DBNL: variants seen among roughly 807,000 people sequenced by gnomAD.
The protein encoded by DBNL is drebrin like, also known as drebrin-like protein.
Under a neutral mutation model 62.2 loss-of-function variants are expected in DBNL, and 35 were observed. That is an observed-to-expected ratio of 0.56 (90% CI 0.43 to 0.75). The LOEUF (loss-of-function observed/expected upper bound fraction) is 0.75. Among genes scored for constraint, DBNL ranks in the 30% least tolerant of loss-of-function variants. DBNL has a pLI of 0.00. For synonymous variants in DBNL, 197 were observed against 218.0 expected (o/e 0.90, Z 0.85); for missense variants, 495 against 578.4 (o/e 0.86, Z 1.48).
rs1129638 is a variant in DBNL at position 44,065,271 on chromosome 7, G to A, written c.*4355G>A. 6.2e-7 allele frequency: 1 copy of A among 1,613,722 alleles called. No homozygotes were observed. Among genetic ancestry groups the A allele is most frequent in the Admixed American group, 1.7e-5 (1 of 60,026 alleles). ...AGGCCCCCGTAATGCCGCTCATTGA[G>A]GCGCCAAGTGCGCACCACAGGCAGC... On this transcript the variant is annotated 3_prime_UTR_variant, in exon 13 of 13. Transcript: ENST00000448521.
chr7:44,060,218 GGGGTTTTAT>G lies in DBNL; in HGVS notation c.1153+69_1153+77del. The G allele has an allele frequency of 7.0e-7, 1 of 1,431,896 alleles. No individual in the cohort carries two copies. Among genetic ancestry groups the G allele is most frequent in the Non-Finnish European group, 9.7e-7 (1 of 1,034,468 alleles). 88.7% of individuals were successfully genotyped at this position (1,431,896 alleles called of 1,614,324 possible). On this transcript the variant is annotated intron_variant, in intron 12 of 12. Transcript: ENST00000448521. This position sits in a 1 kb window ranked among gnomAD's most constrained non-coding sequence, Gnocchi z 6.3. ...CTGAGGTTAGGAGACAAGAGGGTCT[GGGGTTTTAT>G]GGGAAGATGGCACCAGGGGGTATCA...
At chr7:44,050,532 C>G (rs1279020592) in intron 2 of DBNL, 1 of 389,462 alleles carries the variant, frequency 2.6e-6, no homozygotes, top group African/African-American at 2.1e-5. Flanking sequence ...ACAGGCCTCT[C>G]CAGCTTGTGG....
In DBNL at chr7:44,066,456, G is replaced by A. The variant is rs1010860632; in HGVS notation, c.*5540G>A. 6.6e-6 allele frequency: 1 copy of A among 152,302 alleles called. No homozygotes were observed. The highest frequency in any genetic ancestry group is 1.5e-5 in the Non-Finnish European group (1 of 68,088). 9.4% of individuals were successfully genotyped at this position (152,302 alleles called of 1,614,324 possible). A position where few individuals can be genotyped will look rare whatever the true frequency, so the allele number is the denominator to read the frequency against. ...CACCAAGGCAGGGAAGAGACTATGA[G>A]CAATAAAGTCACAATTGGGGCCCTA... On this transcript the variant is annotated 3_prime_UTR_variant, in exon 13 of 13. Coordinates refer to ENST00000448521, the MANE Select transcript of DBNL (RefSeq NM_001014436.3).
At position 44,064,334 on chromosome 7, in the gene DBNL, G is replaced by C. The variant is rs1407094714; in HGVS notation, c.*3418G>C. 1 of 199,696 alleles carries C rather than the reference G, an allele frequency of 5.0e-6. No individual in the cohort carries two copies. The highest frequency in any genetic ancestry group is 1.0e-5 in the Non-Finnish European group (1 of 96,260). 12.4% of individuals were successfully genotyped at this position (199,696 alleles called of 1,614,324 possible). A position where few individuals can be genotyped will look rare whatever the true frequency, so the allele number is the denominator to read the frequency against. On this transcript the variant is annotated 3_prime_UTR_variant, in exon 13 of 13. Transcript: ENST00000448521. Reference sequence around the variant, plus strand: ...TGCCCAGAGAGGGGCTCCAGAGGGAGATAGGTGGTGAAGCTCATGCAGGGA... The same window carrying C: ...TGCCCAGAGAGGGGCTCCAGAGGGACATAGGTGGTGAAGCTCATGCAGGGA...
At position 44,066,895 on chromosome 7, in the gene DBNL, G is replaced by C. The variant is rs1172647393; in HGVS notation, c.*5979G>C. ...AAGCCACATCTCCTCATCTGCTTTT[G>C]TCCCTTTGACCAAGAGTTGATTCAC... On this transcript the variant is annotated 3_prime_UTR_variant, in exon 13 of 13. Transcript: ENST00000448521. 6.6e-6 allele frequency: 1 copy of C among 152,384 alleles called. No homozygotes were observed. The highest frequency in any genetic ancestry group is 1.5e-5 in the Non-Finnish European group (1 of 68,160). 9.4% of individuals were successfully genotyped at this position (152,384 alleles called of 1,614,324 possible).
At chr7:44,054,556 A>G (rs2096132587) in intron 4 of DBNL, among the ~76,000 whole-genome samples, 2 of 152,208 alleles carry the variant, frequency 1.3e-5, no homozygotes, top group African/African-American at 4.8e-5. Flanking sequence ...TCATATTTTG[A>G]TACCTGTATA....
intron 5 of DBNL, 57 bp downstream of exon 5, chr7:44,056,960 G>T: frequency 1.2e-6 from 2 of 1,607,076 alleles, no homozygotes; most frequent in Non-Finnish European, 1.7e-6. Flanking sequence ...GAGGCAGGGG[G>T]CCAGGAATAT....
chr7:44,056,840 T>G lies in DBNL; in HGVS notation c.411T>G (p.Gly137=), dbSNP rs149657924. ...TGGAGAAGGTGGCCAAGGCTTCAGG[T>G]GCCAACTACAGCTTTCACAAGGAGA... is the stretch of plus-strand genomic sequence containing the variant. ...CIMEKVAKAS[G]ANYSFHKESG... is the part of the protein sequence containing the mutation. Residue 137 remains glycine (G), a synonymous_variant, in exon 5 of 13, where the codon GGT becomes GGG. Transcript: ENST00000448521. 5,645 of 1,614,056 alleles carry G rather than the reference T, an allele frequency of 3.5e-3. 23 individuals carry two copies. Among genetic ancestry groups the G allele is most frequent in the South Asian group, 0.012 (1,068 of 91,080 alleles).
chr7:44,057,328 G>T (rs1281240752), intron 5 of DBNL, among the ~76,000 whole-genome samples: 3 of 152,080 alleles, frequency 2.0e-5, no homozygotes, highest in African/African-American at 7.2e-5. Context: ...TGGGCCTGTG[G>T]CCCCAGTGCT....
chr7:44,060,397 C>G lies in DBNL; in HGVS notation c.1153+244C>G, dbSNP rs2096146470. Among the ~76,000 whole-genome samples, 1 of 152,128 alleles carries G rather than the reference C, an allele frequency of 6.6e-6. No homozygotes were observed. The highest frequency in any genetic ancestry group is 1.5e-5 in the Non-Finnish European group (1 of 68,008). On this transcript the variant is annotated intron_variant, in intron 12 of 12. Transcript: ENST00000448521. This position sits in a 1 kb window ranked among gnomAD's most constrained non-coding sequence, Gnocchi z 6.3. ...CTATTTGCTGGCCGCTGATGTGAAT[C>G]CCAGTTGCCACCCTTGTCACAGAAC...
Position 44,065,085 on chromosome 7 carries a change from C to T in DBNL, c.*4169C>T. ...CACCCGACTCCCCACTCTGCAGCTT[C>T]CCAGAGGCCTTCCCAGCAAAGGCAG... On this transcript the variant is annotated 3_prime_UTR_variant, in exon 13 of 13. Transcript: ENST00000448521. 1 of 1,612,856 alleles carries T rather than the reference C, an allele frequency of 6.2e-7. No individual in the cohort carries two copies. The highest frequency in any genetic ancestry group is 8.5e-7 in the Non-Finnish European group (1 of 1,179,972).
intron 8 of DBNL, 85 bp downstream of exon 8, chr7:44,058,565 C>G: frequency 5.2e-6 from 8 of 1,540,732 alleles, no homozygotes; most frequent in Non-Finnish European, 6.2e-6. Context: ...CCAGCCCAGA[C>G]CTGGGCAGAG....
chr7:44,060,159 G>C lies in DBNL; in HGVS notation c.1153+6G>C. 1 of 1,607,460 alleles carries C rather than the reference G, an allele frequency of 6.2e-7. No individual in the cohort carries two copies. Among genetic ancestry groups the C allele is most frequent in the South Asian group, 1.1e-5 (1 of 90,884 alleles). ...CCTGTACGACTACCAGGCAGGTAAGGTGCCCTGGCCTGGCTGGCACAGACC... is the reference window on the plus strand; with the variant it reads ...CCTGTACGACTACCAGGCAGGTAAGCTGCCCTGGCCTGGCTGGCACAGACC... On this transcript the variant is annotated splice_donor_region_variant and intron_variant, in intron 12 of 12. Coordinates refer to ENST00000448521, the MANE Select transcript of DBNL (RefSeq NM_001014436.3). The surrounding 1 kb of genome is among the most constrained non-coding windows in gnomAD (Gnocchi z 6.3).
At chr7:44,055,656 T>C (rs2096134927) in intron 4 of DBNL, among the ~76,000 whole-genome samples, 1 of 152,198 alleles carries the variant, frequency 6.6e-6, no homozygotes, top group Admixed American at 6.5e-5. Context: ...TCCCTGATGA[T>C]GGTTAGTGAT....
At chr7:44,049,513 T>A (rs189944779) in intron 1 of DBNL, among the ~76,000 whole-genome samples, 98 of 152,326 alleles carry the variant, frequency 6.4e-4, no homozygotes, top group African/African-American at 2.3e-3. Context: ...CATGGCCCCA[T>A]GTCACCCATG....
intron 7 of DBNL, 64 bp downstream of exon 7, chr7:44,058,344 A>G: frequency 6.2e-7 from 1 of 1,604,364 alleles, no homozygotes; most frequent in South Asian, 1.1e-5. Context: ...CACCTGCTCC[A>G]TCCCATGGAG....
chr7:44,051,785 G>A, intron 2 of DBNL, 45 bp from the exon 3 acceptor site: 1 of 1,591,626 alleles, frequency 6.3e-7, no homozygotes. Flanking sequence ...GGGCCAGCAG[G>A]GAATGTCAGG....
In DBNL at chr7:44,059,072, C is replaced by T; in HGVS notation, c.835+89C>T. The T allele has an allele frequency of 2.1e-6, 3 of 1,407,736 alleles. No individual in the cohort carries two copies. The highest frequency in any genetic ancestry group is 2.0e-6 in the Non-Finnish European group (2 of 1,006,396). The allele number at this position is 1,407,736 out of a possible 1,614,324, so 87.2% of individuals were successfully genotyped here. ...ATGTGGGCTCCCCCAAGGCTAGTGACAGATATATCGGTGACGGGTGAGTGA... is the reference window on the plus strand; with the variant it reads ...ATGTGGGCTCCCCCAAGGCTAGTGATAGATATATCGGTGACGGGTGAGTGA... On this transcript the variant is annotated intron_variant, in intron 9 of 12. Transcript: ENST00000448521. The surrounding 1 kb of genome is among the most constrained non-coding windows in gnomAD (Gnocchi z 4.1).
Position 44,063,256 on chromosome 7 carries a change from A to T in DBNL, c.*2340A>T. 4 of 371,772 alleles carry T rather than the reference A, an allele frequency of 1.1e-5. No individual in the cohort carries two copies. Among genetic ancestry groups the T allele is most frequent in the South Asian group, 6.4e-5 (2 of 31,430 alleles). The allele number at this position is 371,772 out of a possible 1,614,324, so 23.0% of individuals were successfully genotyped here. A position where few individuals can be genotyped will look rare whatever the true frequency, so the allele number is the denominator to read the frequency against. The stretch of plus-strand genomic sequence containing the variant: ...AGTTGAGGGTCAGGAAGGGACACTC[A>T]CCCTTTGTTTTTTTTTTTTCTTTTC... On this transcript the variant is annotated 3_prime_UTR_variant, in exon 13 of 13. Coordinates refer to ENST00000448521, the MANE Select transcript of DBNL (RefSeq NM_001014436.3).
Sources: gnomAD v4.1 joint callset for allele counts (sites outside exome capture counted in the v4.1 genomes callset) on GRCh38, gnomAD v4.1.1 for gene constraint, Gnocchi (gnomAD v3.1) non-coding constraint, MANE v1.5 for transcripts, NCBI Gene and HGNC (gene_info 2026-07-23, HGNC 2026-07-21) for gene names.